OR2M3: variants seen among roughly 807,000 people sequenced by gnomAD.
The protein encoded by OR2M3 is olfactory receptor family 2 subfamily M member 3.
Under a neutral mutation model 4.3 loss-of-function variants are expected in OR2M3, and 1 was observed. The ratio of observed to expected loss-of-function variants is 0.23; its 90% confidence interval spans 0.08 to 1.11. The LOEUF (loss-of-function observed/expected upper bound fraction) is 1.11. Among genes scored for constraint, OR2M3 ranks in the 50% most tolerant of loss-of-function variants. The pLI, the probability that OR2M3 is intolerant of heterozygous loss-of-function variation, is 0.54. For synonymous variants in OR2M3, 151 were observed against 139.4 expected (o/e 1.08, Z -0.59); for missense variants, 410 against 390.4 (o/e 1.05, Z -0.42).
At chr1:248,199,058 T>C (rs1558251673) in intron 1 of OR2M3, among the ~76,000 whole-genome samples, 1 of 152,128 alleles carries the variant, frequency 6.6e-6, no homozygotes, top group Admixed American at 6.6e-5. Flanking sequence ...TGTGATAAGA[T>C]TCATACATAA....
rs982392147 is a variant in OR2M3 at position 248,211,960 on chromosome 1, G to A, written c.*7954G>A. 4 of 152,222 alleles carry A rather than the reference G, an allele frequency of 2.6e-5. No homozygotes were observed. The highest frequency in any genetic ancestry group is 2.0e-4 in the Admixed American group (3 of 15,292). The allele number at this position is 152,222 out of a possible 1,614,324, so 9.4% of individuals were successfully genotyped here. On this transcript the variant is annotated 3_prime_UTR_variant, in exon 2 of 2. Transcript: ENST00000641626. ...TTTCTAAAATTGGTCAATTGTTTTA[G>A]CATTTCTGCTCTTTGAATAGGATTA...
rs772256490 is a variant in OR2M3, at chr1:248,205,913, A to T, written c.*1907A>T. The T allele has an allele frequency of 1.3e-5, 2 of 152,108 alleles. No homozygotes were observed. Among genetic ancestry groups the T allele is most frequent in the African/African-American group, 2.4e-5 (1 of 41,418 alleles). The allele number at this position is 152,108 out of a possible 1,614,324, so 9.4% of individuals were successfully genotyped here. ...CATTTTTACAATATTGTTTCTACCC[A>T]TCCATGAGTATGGGATGTATTTCCA... is the stretch of plus-strand genomic sequence containing the variant. On this transcript the variant is annotated 3_prime_UTR_variant, in exon 2 of 2. Coordinates refer to ENST00000641626, the MANE Select transcript of OR2M3 (RefSeq NM_001004689.2).
rs754670340 is a variant in OR2M3 at position 248,203,759 on chromosome 1, G to C, written c.692G>C (p.Gly231Ala). 2 of 1,612,428 alleles carry C rather than the reference G, an allele frequency of 1.2e-6. No homozygotes were observed. The highest frequency in any genetic ancestry group is 4.5e-5 in the East Asian group (2 of 44,876). Reference protein sequence around the residue: ...VILAVIHMGSGEGRRKAFTTC... With the variant: ...VILAVIHMGSAEGRRKAFTTC... ...CTGGCTGTCATTCACATGGGATCTG[G>C]AGAGGGTCGTCGCAAAGCTTTTACT... is the stretch of plus-strand genomic sequence containing the variant. The change falls in exon 2 of 2, where the codon GGA becomes GCA. Residue 231 changes from glycine (G) to alanine (A), a missense_variant. Physicochemically the swap from Gly to Ala is moderately conservative, Grantham distance 60 (BLOSUM62 0). Transcript: ENST00000641626.
At position 248,210,613 on chromosome 1, in the gene OR2M3, T is replaced by C. The variant is rs1159728582; in HGVS notation, c.*6607T>C. ...CCTAACTGATCAGTGTACTTTGTAATGTCCCCCACCCTTAAGAAGGTTCTT... is the reference window on the plus strand; with the variant it reads ...CCTAACTGATCAGTGTACTTTGTAACGTCCCCCACCCTTAAGAAGGTTCTT... On this transcript the variant is annotated 3_prime_UTR_variant, in exon 2 of 2. Coordinates refer to ENST00000641626, the MANE Select transcript of OR2M3 (RefSeq NM_001004689.2). 1.3e-5 allele frequency: 2 copies of C among 150,490 alleles called. No individual in the cohort carries two copies. The highest frequency in any genetic ancestry group is 2.9e-5 in the Non-Finnish European group (2 of 68,158). The allele number at this position is 150,490 out of a possible 1,614,324, so 9.3% of individuals were successfully genotyped here.
At chr1:248,198,885 G>A (rs1451196163) in intron 1 of OR2M3, among the ~76,000 whole-genome samples, 2 of 151,886 alleles carry the variant, frequency 1.3e-5, no homozygotes, top group Non-Finnish European at 2.9e-5. Flanking sequence ...CATGAAATCT[G>A]ATGATGATTT....
At position 248,203,079 on chromosome 1, in the gene OR2M3, GAATTCGACCTTC is replaced by G; in HGVS notation, c.15_26del (p.Thr7_Ser10del). On this transcript the variant is annotated inframe_deletion, in exon 2 of 2. Transcript: ENST00000641626. ...AAAGCATACACATCATGGCAAGGGAGAATTCGACCTTCAACTCCGACTTCATCCTCCTGGGAA... is the reference window on the plus strand; with the variant it reads ...AAAGCATACACATCATGGCAAGGGAGAACTCCGACTTCATCCTCCTGGGAA... 6.2e-7 allele frequency: 1 copy of G among 1,612,598 alleles called. No homozygotes were observed. Among genetic ancestry groups the G allele is most frequent in the African/African-American group, 1.3e-5 (1 of 74,886 alleles).
At chr1:248,197,459 T>G (rs1438003928) in intron 1 of OR2M3, among the ~76,000 whole-genome samples, 158 bp downstream of exon 1, 1 of 152,166 alleles carries the variant, frequency 6.6e-6, no homozygotes, top group Non-Finnish European at 1.5e-5. Context: ...TGTACAATAT[T>G]ACTTTGAGAA....
At position 248,203,334 on chromosome 1, in the gene OR2M3, C is replaced by G; in HGVS notation, c.267C>G (p.Ser89Arg). 4 of 1,614,122 alleles carry G rather than the reference C, an allele frequency of 2.5e-6. No individual in the cohort carries two copies. The highest frequency in any genetic ancestry group is 2.2e-5 in the South Asian group (2 of 91,082). The change falls in exon 2 of 2, where the codon AGC becomes AGG. Residue 89 changes from serine (S) to arginine (R), a missense_variant. Coordinates refer to ENST00000641626, the MANE Select transcript of OR2M3 (RefSeq NM_001004689.2). ...TGGCCTTCAACTACCTGTCTGGCAGCAAGTCCATTTCTATGGCTGGTTGTG... is the reference window on the plus strand; with the variant it reads ...TGGCCTTCAACTACCTGTCTGGCAGGAAGTCCATTTCTATGGCTGGTTGTG... ...PKMAFNYLSGSKSISMAGCAT... is the reference protein window; with the variant it reads ...PKMAFNYLSGRKSISMAGCAT...
rs1009261004 is a variant in OR2M3, at chr1:248,211,707, C to T, written c.*7701C>T. On this transcript the variant is annotated 3_prime_UTR_variant, in exon 2 of 2. Transcript: ENST00000641626. Reference sequence around the variant, plus strand: ...CTCAGGGCCCATGCGAAATCTATCTCAATCAAAAGTGCATTATTCTTAGAA... The same window carrying T: ...CTCAGGGCCCATGCGAAATCTATCTTAATCAAAAGTGCATTATTCTTAGAA... 1 of 151,872 alleles carries T rather than the reference C, an allele frequency of 6.6e-6. No individual in the cohort carries two copies. The highest frequency in any genetic ancestry group is 1.5e-5 in the Non-Finnish European group (1 of 67,980). 9.4% of individuals were successfully genotyped at this position (151,872 alleles called of 1,614,324 possible). A position where few individuals can be genotyped will look rare whatever the true frequency, so the allele number is the denominator to read the frequency against.
At chr1:248,202,940 T>TCCTACTTGACCTTTAGTTTC in intron 1 of OR2M3, 110 bp from the exon 2 acceptor site, 1 of 934,990 alleles carries the variant, frequency 1.1e-6, no homozygotes, top group Non-Finnish European at 1.6e-6. Context: ...GTTTCCTACT[T>TCCTACTTGACCTTTAGTTTC]CTATTCATGC....
rs926846700 is a variant in OR2M3, at chr1:248,211,962, A to G, written c.*7956A>G. The G allele has an allele frequency of 2.1e-4, 32 of 152,320 alleles. No homozygotes were observed. Among genetic ancestry groups the G allele is most frequent in the African/African-American group, 7.7e-4 (32 of 41,570 alleles). 9.4% of individuals were successfully genotyped at this position (152,320 alleles called of 1,614,324 possible). ...TCTAAAATTGGTCAATTGTTTTAGCATTTCTGCTCTTTGAATAGGATTAGA... is the reference window on the plus strand; with the variant it reads ...TCTAAAATTGGTCAATTGTTTTAGCGTTTCTGCTCTTTGAATAGGATTAGA... On this transcript the variant is annotated 3_prime_UTR_variant, in exon 2 of 2. Transcript: ENST00000641626.
Position 248,209,935 on chromosome 1 carries a change from T to TA in OR2M3, c.*5930dup, listed in dbSNP as rs1558254647. The TA allele has an allele frequency of 6.6e-6, 1 of 152,146 alleles. No individual in the cohort carries two copies. Among genetic ancestry groups the TA allele is most frequent in the Non-Finnish European group, 1.5e-5 (1 of 68,062 alleles). The allele number at this position is 152,146 out of a possible 1,614,324, so 9.4% of individuals were successfully genotyped here. A position where few individuals can be genotyped will look rare whatever the true frequency, so the allele number is the denominator to read the frequency against. ...GTTTGTCTTCAGCTACCAAGGTGGA[T>TA]AGAGAAAGACCACCAGGTCAGGGTA... On this transcript the variant is annotated 3_prime_UTR_variant, in exon 2 of 2. Transcript: ENST00000641626.
chr1:248,211,619 GTTCAAGCAA>G lies in OR2M3; in HGVS notation c.*7617_*7625del, dbSNP rs1232120032. The G allele has an allele frequency of 2.0e-5, 3 of 151,734 alleles. No homozygotes were observed. The highest frequency in any genetic ancestry group is 4.8e-5 in the African/African-American group (2 of 41,296). 9.4% of individuals were successfully genotyped at this position (151,734 alleles called of 1,614,324 possible). A position where few individuals can be genotyped will look rare whatever the true frequency, so the allele number is the denominator to read the frequency against. ...GCTCACTGCAACCTCCTCCTTCCGGGTTCAAGCAATTCTCCCTGCCTCAGCCTCCCAAGT... is the reference window on the plus strand; with the variant it reads ...GCTCACTGCAACCTCCTCCTTCCGGGTTCTCCCTGCCTCAGCCTCCCAAGT... On this transcript the variant is annotated 3_prime_UTR_variant, in exon 2 of 2. Transcript: ENST00000641626.
At chr1:248,200,800 T>C (rs1666146820) in intron 1 of OR2M3, among the ~76,000 whole-genome samples, 1 of 152,106 alleles carries the variant, frequency 6.6e-6, no homozygotes, top group South Asian at 2.1e-4. Flanking sequence ...AAAATTTATA[T>C]AAATAAATAA....
intron 1 of OR2M3, among the ~76,000 whole-genome samples, chr1:248,199,985 T>C (rs1315577443): frequency 6.6e-6 from 1 of 152,148 alleles, no homozygotes; most frequent in African/African-American, 2.4e-5. Flanking sequence ...TTAAAACATA[T>C]GTGGTGGAAA....
rs1666279919 is a variant in OR2M3 at position 248,211,218 on chromosome 1, C to T, written c.*7212C>T. 1 of 152,094 alleles carries T rather than the reference C, an allele frequency of 6.6e-6. No homozygotes were observed. Among genetic ancestry groups the T allele is most frequent in the Non-Finnish European group, 1.5e-5 (1 of 68,014 alleles). 9.4% of individuals were successfully genotyped at this position (152,094 alleles called of 1,614,324 possible). A position where few individuals can be genotyped will look rare whatever the true frequency, so the allele number is the denominator to read the frequency against. ...ACTCTTGGAGATGCTGCTGTGACTT[C>T]AACCCAGGTGACATCTTAACATTTG... is the stretch of plus-strand genomic sequence containing the variant. On this transcript the variant is annotated 3_prime_UTR_variant, in exon 2 of 2. Transcript: ENST00000641626.
chr1:248,197,649 T>C (rs1350102959), intron 1 of OR2M3, among the ~76,000 whole-genome samples: 1 of 152,076 alleles, frequency 6.6e-6, no homozygotes, highest in Non-Finnish European at 1.5e-5. Flanking sequence ...AAACAATGAT[T>C]TGAAAATTTT....
intron 1 of OR2M3, among the ~76,000 whole-genome samples, chr1:248,201,038 T>C (rs1470754128): frequency 2.0e-5 from 3 of 152,154 alleles, no homozygotes; most frequent in Non-Finnish European, 4.4e-5. Flanking sequence ...CTCACCAGGC[T>C]TCTTTTTCTG....
Position 248,204,025 on chromosome 1 carries a change from T to G in OR2M3, c.*19T>G. ...AGAGTGAGTTACCTAATAAACTTCA[T>G]GTTTTGCTGTGTGCTAAATCCTTTT... On this transcript the variant is annotated 3_prime_UTR_variant, in exon 2 of 2. Coordinates refer to ENST00000641626, the MANE Select transcript of OR2M3 (RefSeq NM_001004689.2). 1 of 1,612,252 alleles carries G rather than the reference T, an allele frequency of 6.2e-7. No individual in the cohort carries two copies. Among genetic ancestry groups the G allele is most frequent in the Non-Finnish European group, 8.5e-7 (1 of 1,178,476 alleles).
Sources: gnomAD v4.1 joint callset for allele counts (sites outside exome capture counted in the v4.1 genomes callset) on GRCh38, gnomAD v4.1.1 for gene constraint, MANE v1.5 for transcripts, NCBI Gene and HGNC (gene_info 2026-07-23, HGNC 2026-07-21) for gene names.